The following BRINP3 variants were observed in gnomAD, a reference collection of about 807,000 sequenced individuals.
BRINP3 encodes the protein BMP/retinoic acid-inducible neural-specific protein 3.
BRINP3 carries 19 observed loss-of-function variants against 71.0 expected under a neutral mutation model. The observed-to-expected ratio is 0.27, with a 90% CI of 0.19 to 0.39. The LOEUF is 0.39. BRINP3 is among the 10% of genes least tolerant of loss of function. BRINP3 has a pLI of 1.00. For missense variants in BRINP3, 959 were observed against 940.8 expected (o/e 1.02, Z -0.25); for synonymous variants, 380 against 337.7 (o/e 1.13, Z -1.37).
chr1:190,224,099 C>T (rs1290250388), intron 6 of BRINP3, among the ~76,000 whole-genome samples: 1 of 151,432 alleles, frequency 6.6e-6, no homozygotes, highest in Non-Finnish European at 1.5e-5. Context: ...CAATCCCCAT[C>T]AAAACAGTGG....
intron 3 of BRINP3, among the ~76,000 whole-genome samples, chr1:190,280,893 C>T (rs376279917): frequency 6.6e-6 from 1 of 151,794 alleles, no homozygotes; most frequent in South Asian, 2.1e-4. Context: ...TTGCTTATTA[C>T]ACATTATCTC....
chr1:190,230,883 G>A (rs1657911754), intron 5 of BRINP3, among the ~76,000 whole-genome samples: 1 of 151,422 alleles, frequency 6.6e-6, no homozygotes, highest in South Asian at 2.1e-4. Context: ...ATTAATCAAT[G>A]TGTTTTCTTA....
intron 1 of BRINP3, among the ~76,000 whole-genome samples, chr1:190,470,880 G>A (rs1423003438): frequency 6.6e-6 from 1 of 151,082 alleles, no homozygotes; most frequent in East Asian, 1.9e-4. Context: ...TTGAGTTATT[G>A]CAATTATTAG....
At chr1:190,272,468 A>G (rs984758691) in intron 3 of BRINP3, among the ~76,000 whole-genome samples, 2 of 151,448 alleles carry the variant, frequency 1.3e-5, no homozygotes, top group Admixed American at 1.3e-4. Context: ...TTCTTCTTTC[A>G]ATTATCTGGG....
intron 1 of BRINP3, among the ~76,000 whole-genome samples, chr1:190,456,981 G>A (rs896290468): frequency 6.6e-6 from 1 of 152,030 alleles, no homozygotes; most frequent in Non-Finnish European, 1.5e-5. Flanking sequence ...AATTCAAACA[G>A]TACTTATTTC....
At chr1:190,220,326 T>C (rs1161278750) in intron 6 of BRINP3, among the ~76,000 whole-genome samples, 1 of 151,848 alleles carries the variant, frequency 6.6e-6, no homozygotes, top group Non-Finnish European at 1.5e-5. Flanking sequence ...CTCAATCATA[T>C]GTGGGAGTTG....
chr1:190,285,866 T>TAAAA (rs1396960933), intron 2 of BRINP3, among the ~76,000 whole-genome samples: 1 of 152,100 alleles, frequency 6.6e-6, no homozygotes, highest in East Asian at 1.9e-4. Flanking sequence ...ATGAGAACAT[T>TAAAA]TTACCTAAGG....
At chr1:190,465,997 A>C (rs1025965495) in intron 1 of BRINP3, among the ~76,000 whole-genome samples, 1 of 151,900 alleles carries the variant, frequency 6.6e-6, no homozygotes, top group Non-Finnish European at 1.5e-5. Context: ...AGAATCTAAG[A>C]ATAGAAAGTG....
chr1:190,241,097 G>T (rs1333278458), intron 4 of BRINP3, among the ~76,000 whole-genome samples: 2 of 151,842 alleles, frequency 1.3e-5, no homozygotes, highest in African/African-American at 4.8e-5. Flanking sequence ...AATTAAAAAT[G>T]TTTGGATTAA....
At chr1:190,447,097 AG>A (rs1203122332) in intron 2 of BRINP3, among the ~76,000 whole-genome samples, 1 of 151,840 alleles carries the variant, frequency 6.6e-6, no homozygotes, top group African/African-American at 2.4e-5. Context: ...GGCAAACAAA[AG>A]TTCAGCATGT....
At chr1:190,165,308 T>G (rs1029291916) in intron 6 of BRINP3, among the ~76,000 whole-genome samples, 1 of 151,540 alleles carries the variant, frequency 6.6e-6, no homozygotes, top group Non-Finnish European at 1.5e-5. Context: ...TAAGTGCTCA[T>G]AACAAATTCT....
At chr1:190,320,987 A>G (rs1474884498) in intron 2 of BRINP3, among the ~76,000 whole-genome samples, 5 of 152,094 alleles carry the variant, frequency 3.3e-5, no homozygotes, top group Non-Finnish European at 7.4e-5. Context: ...ACGTATGTAT[A>G]TGTCTGTATA....
chr1:190,179,849 G>A (rs1652872849), intron 6 of BRINP3, among the ~76,000 whole-genome samples: 2 of 152,050 alleles, frequency 1.3e-5, no homozygotes, highest in Admixed American at 6.6e-5. Context: ...AGCCATTTAG[G>A]CTTTAGTCTC....
rs181125756 is a variant in BRINP3, at chr1:190,392,165, T to C, written c.236+62490A>G. ...CCTTTAAAAATAGGCTTTAAAATTA[T>C]GTTGTGATCTCAATGCTCCATATCA... On this transcript the variant is annotated intron_variant, in intron 2 of 7. Transcript: ENST00000367462. Among the ~76,000 whole-genome samples, 3 of 151,824 alleles carry C rather than the reference T, an allele frequency of 2.0e-5. No individual in the cohort carries two copies. In the East Asian group the frequency reaches 5.8e-4, roughly 29 times the overall value.
chr1:190,131,135 G>A (rs1654505703), intron 7 of BRINP3, among the ~76,000 whole-genome samples: 1 of 142,224 alleles, frequency 7.0e-6, no homozygotes, highest in South Asian at 2.3e-4. Context: ...AGGACCAAGA[G>A]AGTTTAGGTT....
At chr1:190,163,762 T>C (rs1348075713) in intron 6 of BRINP3, among the ~76,000 whole-genome samples, 2 of 152,118 alleles carry the variant, frequency 1.3e-5, no homozygotes, top group Non-Finnish European at 2.9e-5. Context: ...TTGAGTAATT[T>C]TGAAAATAGT....
intron 7 of BRINP3, among the ~76,000 whole-genome samples, chr1:190,158,727 C>G (rs1480266983): frequency 6.7e-6 from 1 of 148,410 alleles, no homozygotes; most frequent in Non-Finnish European, 1.5e-5. Context: ...AAACACACAG[C>G]AAAGAGGAAA....
intron 7 of BRINP3, among the ~76,000 whole-genome samples, chr1:190,148,262 T>C (rs1175351533): frequency 2.0e-5 from 3 of 152,032 alleles, no homozygotes; most frequent in East Asian, 1.9e-4. Context: ...GCATGCTGTA[T>C]ATTTTTACTC....
intron 6 of BRINP3, among the ~76,000 whole-genome samples, chr1:190,190,394 A>G (rs1434416946): frequency 6.6e-6 from 1 of 152,082 alleles, no homozygotes; most frequent in African/African-American, 2.4e-5. Context: ...TCTTAAATGC[A>G]TATTTTCTTA....
Sources: allele counts gnomAD v4.1 joint callset (sites outside exome capture counted in the v4.1 genomes callset), GRCh38; gene constraint gnomAD v4.1.1; transcripts MANE v1.5; gene names NCBI Gene and HGNC (gene_info 2026-07-23, HGNC 2026-07-21).